Variants in CIMIP2C observed in about 807,000 individuals in gnomAD.
CIMIP2C encodes UPF0573 protein C2orf70.
the CIMIP2C span, chr2:26,578,867 C>T: frequency 2.1e-6 from 1 of 471,940 alleles, no homozygotes; most frequent in Admixed American, 2.3e-5. Context: ...AGTGACAGGC[C>T]TGGGGCAAGC....
the CIMIP2C span, among the ~76,000 whole-genome samples, chr2:26,568,948 G>A: frequency 1.3e-5 from 2 of 151,902 alleles, no homozygotes; most frequent in Non-Finnish European, 2.9e-5. Flanking sequence ...TTGAACCCGG[G>A]AGATGGAGGT....
the CIMIP2C span, among the ~76,000 whole-genome samples, chr2:26,565,092 A>T: frequency 1.3e-3 from 106 of 84,140 alleles, no homozygotes; most frequent in South Asian, 2.3e-3. Flanking sequence ...CCCTTCCCCT[A>T]CCCCTTCTTC....
the CIMIP2C span, chr2:26,578,565 G>A: frequency 1.0e-4 from 32 of 314,046 alleles, no homozygotes; most frequent in Non-Finnish European, 1.0e-4. Flanking sequence ...GTTGGAGGCA[G>A]AGCTTGGAAA....
chr2:26,571,658 C>G, the CIMIP2C span, among the ~76,000 whole-genome samples: 1 of 152,128 alleles, frequency 6.6e-6, no homozygotes, highest in Admixed American at 6.5e-5. Flanking sequence ...ACAAATCACC[C>G]GAAATCCAAA....
chr2:26,578,776 G>T, the CIMIP2C span: 22 of 471,222 alleles, frequency 4.7e-5, no homozygotes, highest in African/African-American at 3.0e-4. Flanking sequence ...TCCTTCTTCA[G>T]GTTGCCTGGC....
chr2:26,569,769 G>A, the CIMIP2C span, among the ~76,000 whole-genome samples: 2 of 152,160 alleles, frequency 1.3e-5, no homozygotes, highest in African/African-American at 2.4e-5. Flanking sequence ...GGACAGGGTG[G>A]TGGATGGGAG....
the CIMIP2C span, chr2:26,576,173 C>T: frequency 6.2e-7 from 1 of 1,612,594 alleles, no homozygotes; most frequent in Non-Finnish European, 8.5e-7. Context: ...GAATTTCTAC[C>T]AGGTAAGCTG....
the CIMIP2C span, chr2:26,575,791 TG>T: frequency 8.2e-6 from 11 of 1,343,388 alleles, no homozygotes; most frequent in Non-Finnish European, 1.1e-5. Flanking sequence ...TCCAACATGC[TG>T]GGATTACAGG....
At chr2:26,567,014 CAT>C in the CIMIP2C span, among the ~76,000 whole-genome samples, 2 of 152,206 alleles carry the variant, frequency 1.3e-5, no homozygotes, top group African/African-American at 2.4e-5. Flanking sequence ...CCTAATATAA[CAT>C]ATTTAATTGT....
the CIMIP2C span, among the ~76,000 whole-genome samples, chr2:26,570,779 A>G: frequency 0.96 from 146,850 of 152,312 alleles, 71,014 homozygotes; most frequent in East Asian, 1. Flanking sequence ...CTGGTGCTGT[A>G]TGGACAGCAG....
chr2:26,565,665 T>C, the CIMIP2C span, among the ~76,000 whole-genome samples: 1 of 150,160 alleles, frequency 6.7e-6, no homozygotes, highest in African/African-American at 2.5e-5. Context: ...TTATCCCCCC[T>C]GCCTCACCTA....
the CIMIP2C span, among the ~76,000 whole-genome samples, chr2:26,565,029 T>TCTTCTTCTTCTTCTC: frequency 6.6e-6 from 1 of 150,752 alleles, no homozygotes; most frequent in African/African-American, 2.5e-5. Context: ...TTCTTCTTCT[T>TCTTCTTCTTCTTCTC]CTTCTCCTTC....
chr2:26,570,067 C>A, the CIMIP2C span, among the ~76,000 whole-genome samples: 1 of 152,190 alleles, frequency 6.6e-6, no homozygotes, highest in Non-Finnish European at 1.5e-5. Flanking sequence ...TGTGAGTGCA[C>A]ACACACCTGC....
the CIMIP2C span, chr2:26,579,071 C>T: frequency 4.1e-4 from 238 of 582,082 alleles, 1 homozygote; most frequent in South Asian, 3.5e-3. Flanking sequence ...AGAGTCCGTC[C>T]CAGGTCTGTC....
the CIMIP2C span, among the ~76,000 whole-genome samples, chr2:26,574,249 C>G: frequency 6.6e-6 from 1 of 152,184 alleles, no homozygotes; most frequent in African/African-American, 2.4e-5. Context: ...TGACTCTGGA[C>G]TAAAGTTCAG....
chr2:26,565,058 T>C, the CIMIP2C span, among the ~76,000 whole-genome samples: 7 of 148,582 alleles, frequency 4.7e-5, no homozygotes, highest in Non-Finnish European at 8.9e-5. Context: ...CTTCTCCTTC[T>C]TCTTCCCCTT....
At chr2:26,563,075 C>T in the CIMIP2C span, 11 of 234,594 alleles carry the variant, frequency 4.7e-5, no homozygotes, top group South Asian at 5.6e-4. Context: ...CCCTTCCGTC[C>T]GGCGCACAGG....
At chr2:26,566,202 C>A in the CIMIP2C span, among the ~76,000 whole-genome samples, 3 of 152,342 alleles carry the variant, frequency 2.0e-5, no homozygotes, top group African/African-American at 7.2e-5. Context: ...ACAGCTCCTG[C>A]CCAGCGGCTC....
At chr2:26,573,564 G>T in the CIMIP2C span, among the ~76,000 whole-genome samples, 8 of 151,936 alleles carry the variant, frequency 5.3e-5, no homozygotes, top group Admixed American at 3.9e-4. Context: ...TCTGTCTCCT[G>T]AAGCGGCCAA....
Sources: gnomAD v4.1 joint callset for allele counts (sites outside exome capture counted in the v4.1 genomes callset) on GRCh38, gnomAD v4.1.1 for gene constraint, MANE v1.5 for transcripts, NCBI Gene and HGNC (gene_info 2026-07-23, HGNC 2026-07-21) for gene names.